CLDN10: variants seen among roughly 807,000 people sequenced by gnomAD.
CLDN10 encodes claudin 10, also known as claudin-10.
In CLDN10, 15 loss-of-function variants were observed where a neutral mutation model predicts 22.9. The observed-to-expected ratio is 0.65, with a 90% CI of 0.44 to 1.01. CLDN10 has a LOEUF of 1.01. CLDN10 is among the 50% of genes least tolerant of loss of function. The probability of loss-of-function intolerance (pLI) is 0.00; values close to 1 mark genes in which losing one functional copy is unlikely to be tolerated. For synonymous variants in CLDN10, 114 were observed against 111.4 expected (o/e 1.02, Z -0.15); for missense variants, 247 against 287.8 (o/e 0.86, Z 1.03).
intron 1 of CLDN10, among the ~76,000 whole-genome samples, chr13:95,466,188 C>G (rs1176914318): frequency 2.0e-5 from 3 of 151,780 alleles, no homozygotes; most frequent in Non-Finnish European, 4.4e-5. Context: ...TTATATGTGT[C>G]TGGATTCGGT....
intron 1 of CLDN10, among the ~76,000 whole-genome samples, chr13:95,434,552 TATGCACAC>T (rs1293269767): frequency 1.3e-5 from 2 of 149,670 alleles, no homozygotes; most frequent in African/African-American, 5.1e-5. Context: ...TGTATATATA[TATGCACAC>T]ATGTGTGTAT....
intron 1 of CLDN10, among the ~76,000 whole-genome samples, chr13:95,537,290 T>C (rs2043410342): frequency 6.6e-6 from 1 of 152,082 alleles, no homozygotes; most frequent in South Asian, 2.1e-4. Context: ...TTGGGGGGGT[T>C]GTTGGTTATT....
At position 95,537,368 on chromosome 13, in the gene CLDN10, G is replaced by A. The variant is rs190759900; in HGVS notation, c.215-22764G>A. ...ACCCAGTATGCACGGCTCTTCTTGC[G>A]TACAGGAGGCAGTATGAATTGCGAA... is the stretch of plus-strand genomic sequence containing the variant. On this transcript the variant is annotated intron_variant, in intron 1 of 4. Transcript: ENST00000376873. Among the ~76,000 whole-genome samples the A allele has an allele frequency of 1.4e-3, 207 of 152,200 alleles. 1 individual carries two copies. The highest frequency in any genetic ancestry group is 4.1e-3 in the Admixed American group (62 of 15,286).
At chr13:95,511,996 C>A (rs926671401) in intron 1 of CLDN10, among the ~76,000 whole-genome samples, 14 of 132,060 alleles carry the variant, frequency 1.1e-4, no homozygotes, top group African/African-American at 3.4e-4. Context: ...CTATCCCCCC[C>A]CTCTCCCCCC....
chr13:95,482,830 T>A (rs1169053859), intron 1 of CLDN10, among the ~76,000 whole-genome samples: 1 of 151,886 alleles, frequency 6.6e-6, no homozygotes, highest in Non-Finnish European at 1.5e-5. Context: ...ATACAAAAAA[T>A]TAGCTTGGCA....
At chr13:95,505,003 C>T (rs1406899177) in intron 1 of CLDN10, among the ~76,000 whole-genome samples, 2 of 152,162 alleles carry the variant, frequency 1.3e-5, no homozygotes, top group African/African-American at 2.4e-5. Context: ...AACTCAAGAA[C>T]GTTTAACTAT....
Position 95,552,964 on chromosome 13 carries a change from G to A in CLDN10, c.211G>A (p.Ala71Thr). 1 of 1,613,828 alleles carries A rather than the reference G, an allele frequency of 6.2e-7. No homozygotes were observed. The highest frequency in any genetic ancestry group is 8.5e-7 in the Non-Finnish European group (1 of 1,179,930). The change falls in exon 1 of 5, where the codon GCG becomes ACG. Residue 71 changes from alanine (A) to threonine (T), a missense_variant. Physicochemically the swap from Ala to Thr is moderately conservative, Grantham distance 58. Coordinates refer to ENST00000299339, the MANE Select transcript of CLDN10 (RefSeq NM_006984.5). ...SNCKDFPSML[A>T]LDGYIQACRG... Reference sequence around the variant, plus strand: ...CTGCAAGGACTTCCCCTCCATGCTGGCGCTGGACGGTCTGCATCCCCGCGG... The same window carrying A: ...CTGCAAGGACTTCCCCTCCATGCTGACGCTGGACGGTCTGCATCCCCGCGG...
intron 1 of CLDN10, among the ~76,000 whole-genome samples, chr13:95,466,257 TTTTCTTTTTC>T (rs1258536707): frequency 6.6e-6 from 1 of 152,032 alleles, no homozygotes; most frequent in Non-Finnish European, 1.5e-5. Context: ...TAGTCTGTAG[TTTTCTTTTTC>T]TTTCTTTTTT....
chr13:95,571,159 C>T (rs1337925787), intron 3 of CLDN10, among the ~76,000 whole-genome samples: 1 of 151,876 alleles, frequency 6.6e-6, no homozygotes, highest in Non-Finnish European at 1.5e-5. Flanking sequence ...ACCACAGTGA[C>T]ACATGGTAGG....
At chr13:95,446,561 G>C (rs2042380701) in intron 1 of CLDN10, among the ~76,000 whole-genome samples, 1 of 152,208 alleles carries the variant, frequency 6.6e-6, no homozygotes. Flanking sequence ...ATATAAGAAG[G>C]TTGGACGCAG....
At chr13:95,577,423 A>G in intron 4 of CLDN10, 85 bp downstream of exon 4, 1 of 900,974 alleles carries the variant, frequency 1.1e-6, no homozygotes, top group Non-Finnish European at 1.8e-6. Context: ...CAGATAGTTC[A>G]TATGATTCTT....
At chr13:95,507,727 G>A (rs956029335) in intron 1 of CLDN10, among the ~76,000 whole-genome samples, 2 of 151,910 alleles carry the variant, frequency 1.3e-5, no homozygotes, top group East Asian at 3.9e-4. Context: ...GGGTTCAAGC[G>A]ATTCTCCTGC....
At chr13:95,535,241 G>A (rs75736854) in intron 1 of CLDN10, among the ~76,000 whole-genome samples, 9,374 of 152,110 alleles carry the variant, frequency 0.062, 363 homozygotes, top group African/African-American at 0.1. Flanking sequence ...TTTTAAAGGG[G>A]TAAAGAAACA....
At chr13:95,458,454 A>C (rs940637847) in intron 1 of CLDN10, among the ~76,000 whole-genome samples, 1 of 152,206 alleles carries the variant, frequency 6.6e-6, no homozygotes, top group Non-Finnish European at 1.5e-5. Flanking sequence ...CATGGCTGGA[A>C]AGGCCTCAGG....
At chr13:95,478,625 C>T (rs1453834215) in intron 1 of CLDN10, among the ~76,000 whole-genome samples, 1 of 152,210 alleles carries the variant, frequency 6.6e-6, no homozygotes, top group African/African-American at 2.4e-5. Context: ...CCTCCCATCC[C>T]CATTTGGCTT....
chr13:95,576,279 T>C (rs1014646418), intron 3 of CLDN10, among the ~76,000 whole-genome samples: 5 of 152,184 alleles, frequency 3.3e-5, no homozygotes, highest in Non-Finnish European at 5.9e-5. Context: ...ATCTCCCCTA[T>C]GGATTCTGTG....
chr13:95,535,762 C>T (rs2043394183), intron 1 of CLDN10, among the ~76,000 whole-genome samples: 1 of 151,970 alleles, frequency 6.6e-6, no homozygotes, highest in South Asian at 2.1e-4. Flanking sequence ...GGGTAAGTGC[C>T]AAGTACAGAA....
Position 95,499,498 on chromosome 13 carries a change from C to T in CLDN10, c.215-60634C>T, listed in dbSNP as rs539371302. ...CAGAGTTTGCAGTGAGCCGAGATCA[C>T]GCCACTGCACTCCAGCCTGGGCGAC... is the stretch of plus-strand genomic sequence containing the variant. On this transcript the variant is annotated intron_variant, in intron 1 of 4. Transcript: ENST00000376873. 5.9e-5 allele frequency among the ~76,000 whole-genome samples: 9 copies of T among 152,244 alleles called. No individual in the cohort carries two copies. In the East Asian group the frequency reaches 1.5e-3, roughly 26 times the overall value.
upstream of CLDN10, among the ~76,000 whole-genome samples, chr13:95,551,012 A>G (rs2043559158): frequency 1.3e-5 from 2 of 151,876 alleles, no homozygotes; most frequent in African/African-American, 4.8e-5. Context: ...AGTTTAGTTT[A>G]CCAGTGAACC....
Sources: gnomAD v4.1 joint callset for allele counts (sites outside exome capture counted in the v4.1 genomes callset) on GRCh38, gnomAD v4.1.1 for gene constraint, MANE v1.5 for transcripts, NCBI Gene and HGNC (gene_info 2026-07-23, HGNC 2026-07-21) for gene names.